Variants in MAP2K3 observed in about 807,000 individuals in gnomAD.
MAP2K3 encodes dual specificity mitogen-activated protein kinase kinase 3.
Under a neutral mutation model 46.4 loss-of-function variants are expected in MAP2K3, and 30 were observed. The observed-to-expected ratio is 0.65, with a 90% CI of 0.48 to 0.88. The LOEUF is 0.88. MAP2K3 is among the 40% of genes least tolerant of loss of function. The probability of loss-of-function intolerance (pLI) is 0.00; values close to 1 mark genes in which losing one functional copy is unlikely to be tolerated. For missense variants in MAP2K3, 380 were observed against 464.5 expected (o/e 0.82, Z 1.67); for synonymous variants, 189 against 176.3 (o/e 1.07, Z -0.57).
chr17:21,297,825 G>T, intron 1 of MAP2K3, among the ~76,000 whole-genome samples: 1 of 1,430 alleles, frequency 7.0e-4, no homozygotes, highest in East Asian at 0.019. Flanking sequence ...GCGCTTTTCA[G>T]GGGAGGGAGA....
chr17:21,286,832 G>A (rs1041143613), intron 1 of MAP2K3, among the ~76,000 whole-genome samples: 1 of 152,236 alleles, frequency 6.6e-6, no homozygotes, highest in African/African-American at 2.4e-5. Flanking sequence ...GAGGGGGCTG[G>A]ATGGAGGGTC....
chr17:21,314,106 C>T (rs770716588), intron 11 of MAP2K3, 41 bp from the exon 12 acceptor site: 35 of 1,521,490 alleles, frequency 2.3e-5, no homozygotes, highest in South Asian at 4.5e-5. Context: ...CTCTCCCTCC[C>T]GCTACCCCTC....
intron 1 of MAP2K3, among the ~76,000 whole-genome samples, chr17:21,294,391 C>A (rs1454580331): frequency 6.6e-6 from 1 of 152,312 alleles, no homozygotes; most frequent in African/African-American, 2.4e-5. Flanking sequence ...GTGGGGCTGA[C>A]TTTATGAGTG....
chr17:21,288,388 CT>C (rs1405564596), intron 1 of MAP2K3, among the ~76,000 whole-genome samples: 2 of 152,222 alleles, frequency 1.3e-5, no homozygotes, highest in African/African-American at 4.8e-5. Context: ...GTTTACCACC[CT>C]TGGCCCAGGG....
chr17:21,292,818 C>G (rs1052999871), intron 1 of MAP2K3, among the ~76,000 whole-genome samples: 35 of 152,388 alleles, frequency 2.3e-4, no homozygotes, highest in African/African-American at 8.4e-4. Flanking sequence ...CACTGCTGTA[C>G]TCCTGCTGCT....
At chr17:21,302,108 C>T (rs769241430) in intron 5 of MAP2K3, 35 bp from the exon 6 acceptor site, 87 of 1,610,088 alleles carry the variant, frequency 5.4e-5, no homozygotes, top group African/African-American at 1.3e-4. Flanking sequence ...ACGGGCAGCC[C>T]GGCAGCCTGG....
At chr17:21,301,193 G>A (rs1359912241) in intron 5 of MAP2K3, among the ~76,000 whole-genome samples, 200 bp downstream of exon 5, 1 of 152,308 alleles carries the variant, frequency 6.6e-6, no homozygotes, top group East Asian at 1.9e-4. Flanking sequence ...CGGTGGTTGT[G>A]GGTGCCTCCT....
chr17:21,313,009 T>C (rs1977236914), intron 10 of MAP2K3, among the ~76,000 whole-genome samples: 1 of 151,946 alleles, frequency 6.6e-6, no homozygotes, highest in African/African-American at 2.4e-5. Flanking sequence ...AAGAATTGGG[T>C]AAGGAAGAAG....
chr17:21,310,177 T>C (rs1977098042), intron 9 of MAP2K3, among the ~76,000 whole-genome samples: 1 of 152,056 alleles, frequency 6.6e-6, no homozygotes, highest in Non-Finnish European at 1.5e-5. Flanking sequence ...ATCCAGCTAA[T>C]TTTGTGTTTT....
chr17:21,313,568 T>C (rs1483738303), intron 11 of MAP2K3, 31 bp downstream of exon 11: 2 of 1,517,148 alleles, frequency 1.3e-6, no homozygotes, highest in South Asian at 1.1e-5. Flanking sequence ...CCTGCCCTGC[T>C]CTTCAGGGCT....
chr17:21,297,502 G>T (rs1976324226), intron 1 of MAP2K3, among the ~76,000 whole-genome samples: 1 of 152,310 alleles, frequency 6.6e-6, no homozygotes, highest in Non-Finnish European at 1.5e-5. Context: ...CTGCCTGATG[G>T]TGCCAGAGCA....
At chr17:21,291,750 C>G (rs1975951624) in intron 1 of MAP2K3, 1 of 373,576 alleles carries the variant, frequency 2.7e-6, no homozygotes, top group Admixed American at 3.2e-5. Context: ...ACCCAGCAAC[C>G]TGGGTGTGTT....
chr17:21,306,563 C>G (rs544318922), intron 9 of MAP2K3, among the ~76,000 whole-genome samples: 1 of 152,284 alleles, frequency 6.6e-6, no homozygotes, highest in African/African-American at 2.4e-5. Context: ...CTTAGCTCAC[C>G]GTAACCTCTG....
At chr17:21,296,739 G>A (rs1364678429) in intron 1 of MAP2K3, among the ~76,000 whole-genome samples, 1 of 152,312 alleles carries the variant, frequency 6.6e-6, no homozygotes, top group Non-Finnish European at 1.5e-5. Context: ...GGCCGGTGCT[G>A]TGGCTGTGAC....
chr17:21,288,199 C>T (rs927222470), intron 1 of MAP2K3: 36 of 868,810 alleles, frequency 4.1e-5, no homozygotes, highest in South Asian at 4.0e-4. Context: ...GAGGGGGTTA[C>T]GTGTCCTGCA....
At chr17:21,309,918 T>C (rs1322511853) in intron 9 of MAP2K3, among the ~76,000 whole-genome samples, 4 of 151,964 alleles carry the variant, frequency 2.6e-5, no homozygotes, top group Non-Finnish European at 5.9e-5. Flanking sequence ...AATGCTTCTT[T>C]TTAAAAAACT....
At chr17:21,294,480 T>A (rs1037620445) in intron 1 of MAP2K3, among the ~76,000 whole-genome samples, 1 of 152,310 alleles carries the variant, frequency 6.6e-6, no homozygotes, top group Non-Finnish European at 1.5e-5. Context: ...CAGCTTGGTC[T>A]CCCCAGGCCC....
chr17:21,296,296 G>A (rs1976246798), intron 1 of MAP2K3: 2 of 885,462 alleles, frequency 2.3e-6, no homozygotes. Context: ...CGCAGAGCTG[G>A]AGTTTACCAC....
chr17:21,312,275 C>A lies in MAP2K3; in HGVS notation c.908C>A (p.Ala303Asp). 1 of 1,600,264 alleles carries A rather than the reference C, an allele frequency of 6.2e-7. No homozygotes were observed. Among genetic ancestry groups the A allele is most frequent in the Non-Finnish European group, 8.5e-7 (1 of 1,175,284 alleles). The change falls in exon 10 of 12, where the codon GCT (alanine) becomes GAT (aspartate). Residue 303 changes from alanine (A) to aspartate (D), a missense_variant. By Grantham distance (126) the Ala-to-Asp change is moderately radical (BLOSUM62 -2). Transcript: ENST00000342679. The part of the protein sequence containing the change: ...RFSPEFVDFT[A>D]QCLRKNPAER... ...TCCCCCGAGTTTGTGGACTTCACTG[C>A]TCAGTGGTGAGTCTTGGGTGCTGCT...
Sources: allele counts gnomAD v4.1 joint callset (sites outside exome capture counted in the v4.1 genomes callset), GRCh38; gene constraint gnomAD v4.1.1; transcripts MANE v1.5; gene names NCBI Gene and HGNC (gene_info 2026-07-23, HGNC 2026-07-21).